RASGRP3: variants seen among roughly 807,000 people sequenced by gnomAD.
RASGRP3 encodes ras guanyl-releasing protein 3.
In RASGRP3, 54 loss-of-function variants were observed where a neutral mutation model predicts 82.7. The ratio of observed to expected loss-of-function variants is 0.65; its 90% CI spans 0.52 to 0.82. The LOEUF (loss-of-function observed/expected upper bound fraction) is 0.82, where lower values mean the gene tolerates loss of function less well. Among genes scored for constraint, RASGRP3 ranks in the 40% least tolerant of loss-of-function variants. The pLI is 0.00. For synonymous variants in RASGRP3, 309 were observed against 300.5 expected (o/e 1.03, Z -0.29); for missense variants, 861 against 828.9 (o/e 1.04, Z -0.48).
At position 33,542,245 on chromosome 2, in the gene RASGRP3, C is replaced by T. The variant is rs542495361; in HGVS notation, c.1279-1267C>T. On this transcript the variant is annotated intron_variant, in intron 12 of 17. Coordinates refer to ENST00000403687, the MANE Select transcript of RASGRP3 (RefSeq NM_001139488.2). ...ATTTATCTGTGGATTTTAAAAGATACTTTTTGATAAATTCCTATACATACA... is the reference window on the plus strand; with the variant it reads ...ATTTATCTGTGGATTTTAAAAGATATTTTTTGATAAATTCCTATACATACA... Among the ~76,000 whole-genome samples, 2 of 146,984 alleles carry T rather than the reference C, an allele frequency of 1.4e-5. 1 individual carries two copies. The highest frequency in any genetic ancestry group is 4.3e-4 in the South Asian group (2 of 4,612).
intron 14 of RASGRP3, among the ~76,000 whole-genome samples, chr2:33,551,994 A>AAAACAAAC (rs201569860): frequency 3.4e-3 from 458 of 134,174 alleles, no homozygotes; most frequent in Non-Finnish European, 4.6e-3. Flanking sequence ...CTCCATCTCA[A>AAAACAAAC]AAACAAACAA....
At chr2:33,527,049 G>A (rs1672632994) in intron 9 of RASGRP3, 88 bp from the exon 10 acceptor site, 4 of 1,364,372 alleles carry the variant, frequency 2.9e-6, no homozygotes, top group Non-Finnish European at 4.0e-6. Flanking sequence ...CTCAGTAGCT[G>A]AGGAATTTCC....
chr2:33,536,269 T>G (rs1297743216), intron 11 of RASGRP3, among the ~76,000 whole-genome samples: 1 of 136,870 alleles, frequency 7.3e-6, no homozygotes, highest in Non-Finnish European at 1.5e-5. Context: ...GCCACTGCAC[T>G]CCAGGCTGGG....
rs1468933408 is a variant in RASGRP3 at position 33,563,690 on chromosome 2, A to C, written c.*953A>C. The C allele has an allele frequency of 6.6e-6, 1 of 151,868 alleles. No homozygotes were observed. The highest frequency in any genetic ancestry group is 1.5e-5 in the Non-Finnish European group (1 of 67,976). The allele number at this position is 151,868 out of a possible 1,614,324, so 9.4% of individuals were successfully genotyped here. ...ACTCAATAATTTTGTGAAAAAAAAA[A>C]CCACCACCAAACTTTTGGTTGTAAA... On this transcript the variant is annotated 3_prime_UTR_variant, in exon 18 of 18. Transcript: ENST00000403687.
At chr2:33,467,926 A>C (rs1666795299) in intron 2 of RASGRP3, among the ~76,000 whole-genome samples, 1 of 152,202 alleles carries the variant, frequency 6.6e-6, no homozygotes, top group Non-Finnish European at 1.5e-5. Flanking sequence ...CCAGAAAGTT[A>C]AAGAAGCAAG....
chr2:33,483,890 G>A (rs1337794751), intron 1 of RASGRP3, among the ~76,000 whole-genome samples: 2 of 152,030 alleles, frequency 1.3e-5, no homozygotes, highest in Admixed American at 6.6e-5. Flanking sequence ...TTTCCCATCT[G>A]GGGTGTTTGT....
intron 1 of RASGRP3, among the ~76,000 whole-genome samples, chr2:33,498,299 A>G (rs1669521942): frequency 6.6e-6 from 1 of 152,230 alleles, no homozygotes; most frequent in South Asian, 2.1e-4. Flanking sequence ...ACAGTTAAAG[A>G]TACAGACACA....
intron 1 of RASGRP3, among the ~76,000 whole-genome samples, chr2:33,442,757 G>A (rs1239423211): frequency 6.6e-6 from 1 of 152,128 alleles, no homozygotes; most frequent in African/African-American, 2.4e-5. Flanking sequence ...AACAATTATG[G>A]GCAGACAAGA....
intron 1 of RASGRP3, among the ~76,000 whole-genome samples, chr2:33,497,886 A>G (rs1669473916): frequency 6.6e-6 from 1 of 152,234 alleles, no homozygotes. Flanking sequence ...ATTTAAGAAA[A>G]TATGGACTAA....
rs915324738 is a variant in RASGRP3, at chr2:33,451,111, G to A, written c.-261+3168G>A. Among the ~76,000 whole-genome samples the A allele has an allele frequency of 1.8e-4, 28 of 151,846 alleles. No individual in the cohort carries two copies. In the South Asian group the frequency reaches 4.2e-3, roughly 23 times the overall value. ...CAACTCCTGACCTCGTGATCTGCCCGCCTCAGCCTCCCAAAGTGCTGGGAT... is the reference window on the plus strand; with the variant it reads ...CAACTCCTGACCTCGTGATCTGCCCACCTCAGCCTCCCAAAGTGCTGGGAT... On this transcript the variant is annotated intron_variant, in intron 2 of 18. Transcript: ENST00000402538.
chr2:33,442,021 TTTACAC>T (rs1236847159), intron 1 of RASGRP3, among the ~76,000 whole-genome samples: 2 of 152,190 alleles, frequency 1.3e-5, no homozygotes, highest in Non-Finnish European at 2.9e-5. Flanking sequence ...TAAGTGAACA[TTTACAC>T]TTACATTCAG....
At chr2:33,466,541 T>C (rs990683754) in intron 2 of RASGRP3, among the ~76,000 whole-genome samples, 4 of 151,966 alleles carry the variant, frequency 2.6e-5, no homozygotes, top group African/African-American at 9.7e-5. Context: ...TGGCCGGGCA[T>C]GGTGGTGGGT....
chr2:33,533,696 C>G (rs1177910108), intron 10 of RASGRP3: 1 of 152,668 alleles, frequency 6.6e-6, no homozygotes, highest in Admixed American at 6.5e-5. Flanking sequence ...CCTCTGCCCT[C>G]GTGTATTTAC....
chr2:33,443,587 A>T (rs1012490996), intron 1 of RASGRP3, among the ~76,000 whole-genome samples: 3 of 152,012 alleles, frequency 2.0e-5, no homozygotes, highest in African/African-American at 7.2e-5. Flanking sequence ...TTATTATGGA[A>T]CACCCTACAG....
intron 2 of RASGRP3, among the ~76,000 whole-genome samples, chr2:33,448,329 T>A (rs1263377780): frequency 6.6e-6 from 1 of 151,914 alleles, no homozygotes; most frequent in Non-Finnish European, 1.5e-5. Flanking sequence ...TTTTGTGCTT[T>A]AAAAAAAACT....
At chr2:33,483,201 T>C (rs1668428962) in intron 1 of RASGRP3, among the ~76,000 whole-genome samples, 1 of 152,204 alleles carries the variant, frequency 6.6e-6, no homozygotes, top group Non-Finnish European at 1.5e-5. Flanking sequence ...CTTTTAAGTT[T>C]CTATTTGAAT....
At chr2:33,446,152 C>T (rs929041413) in intron 1 of RASGRP3, among the ~76,000 whole-genome samples, 5 of 151,740 alleles carry the variant, frequency 3.3e-5, no homozygotes, top group African/African-American at 7.3e-5. Flanking sequence ...TAATTTTGTT[C>T]GTTTGTTTGT....
intron 14 of RASGRP3, among the ~76,000 whole-genome samples, chr2:33,551,801 G>T (rs1313205281): frequency 6.6e-6 from 1 of 152,142 alleles, no homozygotes; most frequent in Non-Finnish European, 1.5e-5. Flanking sequence ...AGACCATCCT[G>T]GCTAACACGG....
chr2:33,439,232 A>C (rs1485874855), intron 1 of RASGRP3, among the ~76,000 whole-genome samples: 1 of 152,198 alleles, frequency 6.6e-6, no homozygotes, highest in Non-Finnish European at 1.5e-5. Flanking sequence ...AGTTGAAAAA[A>C]GGGAAGTATA....
Sources: allele counts gnomAD v4.1 joint callset (sites outside exome capture counted in the v4.1 genomes callset), GRCh38; gene constraint gnomAD v4.1.1; transcripts MANE v1.5; gene names NCBI Gene and HGNC (gene_info 2026-07-23, HGNC 2026-07-21).